The following PTPRN2 variants were observed in gnomAD, a reference collection of about 807,000 sequenced individuals.
PTPRN2 encodes the protein protein tyrosine phosphatase receptor type N2.
Under a neutral mutation model 118.8 loss-of-function variants are expected in PTPRN2, and 74 were observed. The ratio of observed to expected loss-of-function variants is 0.62; its 90% CI spans 0.52 to 0.76. The LOEUF (loss-of-function observed/expected upper bound fraction) is 0.76. PTPRN2 is among the 30% of genes least tolerant of loss of function. The pLI is 0.00. For synonymous variants in PTPRN2, 641 were observed against 608.0 expected (o/e 1.05, Z -0.80); for missense variants, 1,481 against 1,394.4 (o/e 1.06, Z -0.99).
chr7:158,127,584 C>T (rs1374505931), intron 9 of PTPRN2, among the ~76,000 whole-genome samples: 1 of 152,226 alleles, frequency 6.6e-6, no homozygotes. Flanking sequence ...GCCTCTGCCT[C>T]AGCTCCCATG....
At chr7:157,748,089 T>A (rs1179496717) in intron 12 of PTPRN2, among the ~76,000 whole-genome samples, 3 of 114,620 alleles carry the variant, frequency 2.6e-5, no homozygotes, top group Non-Finnish European at 5.5e-5. Flanking sequence ...TGTGGGCTGT[T>A]GAGGTGATTC....
At chr7:157,720,684 T>C (rs1686797534) in intron 12 of PTPRN2, among the ~76,000 whole-genome samples, 1 of 152,232 alleles carries the variant, frequency 6.6e-6, no homozygotes, top group African/African-American at 2.4e-5. Flanking sequence ...AAGCGCTTTC[T>C]GGGGAGAAAC....
chr7:158,033,652 T>C (rs965106976), intron 11 of PTPRN2, among the ~76,000 whole-genome samples: 6 of 152,186 alleles, frequency 3.9e-5, no homozygotes, highest in Admixed American at 3.9e-4. Flanking sequence ...TAATGAAACC[T>C]TGATAGAAGC....
At chr7:158,305,743 A>G (rs1205103145) in intron 3 of PTPRN2, among the ~76,000 whole-genome samples, 1 of 151,958 alleles carries the variant, frequency 6.6e-6, no homozygotes, top group Non-Finnish European at 1.5e-5. Context: ...CAACTTTTAC[A>G]GAACTCTGGA....
chr7:157,797,015 A>C (rs1472738859), intron 12 of PTPRN2, among the ~76,000 whole-genome samples: 1 of 152,064 alleles, frequency 6.6e-6, no homozygotes, highest in Non-Finnish European at 1.5e-5. Context: ...GCTCAGACGA[A>C]CTCACGGCTC....
chr7:157,975,581 G>C (rs76545853), intron 11 of PTPRN2, among the ~76,000 whole-genome samples: 240 of 152,228 alleles, frequency 1.6e-3, no homozygotes, highest in Non-Finnish European at 3.1e-3. Flanking sequence ...GACCCGAACT[G>C]TGCTTTTCAG....
At chr7:157,952,426 A>AGACAGGCGAGGGTGG (rs1384517687) in intron 11 of PTPRN2, among the ~76,000 whole-genome samples, 69 of 55,526 alleles carry the variant, frequency 1.2e-3, no homozygotes, top group Middle Eastern at 9.6e-3. Context: ...ACACGGGGGG[A>AGACAGGCGAGGGTGG]GACAGGCGAG....
Position 158,380,087 on chromosome 7 carries a change from A to G in PTPRN2, c.164-63155T>C, listed in dbSNP as rs1277821677. Among the ~76,000 whole-genome samples, 10 of 152,154 alleles carry G rather than the reference A, an allele frequency of 6.6e-5. No homozygotes were observed. The East Asian group carries it at 1.9e-3, about 29-fold the overall frequency. On this transcript the variant is annotated intron_variant, in intron 2 of 22. Transcript: ENST00000389418. ...ACATATGGGAATTATGGGAGCTGCA[A>G]TTCAAGATCAGATTTCAGTGGGGAC... is the stretch of plus-strand genomic sequence containing the variant.
chr7:158,501,722 A>C (rs1184453656), intron 1 of PTPRN2, among the ~76,000 whole-genome samples: 1 of 152,164 alleles, frequency 6.6e-6, no homozygotes, highest in Non-Finnish European at 1.5e-5. Context: ...CCAGGCAGAA[A>C]AGTCACCAAG....
chr7:157,545,673 A>G (rs1046259256), intron 22 of PTPRN2, among the ~76,000 whole-genome samples: 3 of 151,756 alleles, frequency 2.0e-5, no homozygotes, highest in Non-Finnish European at 4.4e-5. Context: ...CTGGTGAAAC[A>G]TTTTCTATTC....
At chr7:157,949,215 T>G (rs1030319866) in intron 11 of PTPRN2, among the ~76,000 whole-genome samples, 3 of 152,188 alleles carry the variant, frequency 2.0e-5, no homozygotes, top group Admixed American at 2.0e-4. Flanking sequence ...GGATCCAAAG[T>G]TGAAAGTAAA....
intron 11 of PTPRN2, among the ~76,000 whole-genome samples, chr7:158,013,663 C>A (rs549570655): frequency 6.9e-4 from 105 of 152,150 alleles, no homozygotes; most frequent in African/African-American, 2.5e-3. Context: ...CATCATCTGT[C>A]TATTTACCCA....
chr7:157,801,480 T>A lies in PTPRN2; in HGVS notation c.1788+97193A>T, dbSNP rs568582397. The stretch of plus-strand genomic sequence containing the variant: ...GTGAGAGCAGCTGCATGGATTTTTT[T>A]AATGTCAAATTCCATATGAAACAGC... On this transcript the variant is annotated intron_variant, in intron 12 of 22. Coordinates refer to ENST00000389418, the MANE Select transcript of PTPRN2 (RefSeq NM_002847.5). This position sits in a 1 kb window ranked among gnomAD's most constrained non-coding sequence, Gnocchi z 4.2. 2.6e-5 allele frequency among the ~76,000 whole-genome samples: 4 copies of A among 152,296 alleles called. No individual in the cohort carries two copies. The highest frequency in any genetic ancestry group is 7.2e-5 in the African/African-American group (3 of 41,552).
chr7:157,805,528 G>A (rs1805578246), intron 12 of PTPRN2, among the ~76,000 whole-genome samples: 1 of 152,170 alleles, frequency 6.6e-6, no homozygotes, highest in Non-Finnish European at 1.5e-5. Flanking sequence ...AGCACCAGGG[G>A]TGAAAATTAG....
intron 12 of PTPRN2, among the ~76,000 whole-genome samples, chr7:157,770,944 G>T (rs1487057536): frequency 6.6e-6 from 1 of 152,154 alleles, no homozygotes; most frequent in East Asian, 1.9e-4. Context: ...ACCTGAGTGC[G>T]GGGGCTGTGG....
chr7:158,454,510 G>T (rs1246421701), intron 2 of PTPRN2, among the ~76,000 whole-genome samples: 1 of 149,240 alleles, frequency 6.7e-6, no homozygotes, highest in Admixed American at 6.6e-5. Context: ...ACTGATGTGA[G>T]GATTGGGGAC....
intron 1 of PTPRN2, among the ~76,000 whole-genome samples, chr7:158,497,625 T>A (rs1232592695): frequency 2.6e-5 from 4 of 152,172 alleles, no homozygotes; most frequent in Non-Finnish European, 4.4e-5. Context: ...GGGTGCCCCA[T>A]CCTGAGGACT....
At position 157,629,734 on chromosome 7, in the gene PTPRN2, G is replaced by A. The variant is rs1803824673; in HGVS notation, c.2197-8225C>T. 2.0e-5 allele frequency among the ~76,000 whole-genome samples: 3 copies of A among 152,338 alleles called. No homozygotes were observed. The South Asian group carries it at 6.2e-4, about 32-fold the overall frequency. On this transcript the variant is annotated intron_variant, in intron 14 of 22. Coordinates refer to ENST00000389418, the MANE Select transcript of PTPRN2 (RefSeq NM_002847.5). This position sits in a 1 kb window ranked among gnomAD's most constrained non-coding sequence, Gnocchi z 4.4. ...GTGTTAAAGAAAGCTGGGCTTTGGG[G>A]AACCCAGTCATTACTGGGAAGGCTA...
chr7:157,883,079 G>A (rs1012458514), intron 12 of PTPRN2, among the ~76,000 whole-genome samples: 3 of 145,064 alleles, frequency 2.1e-5, no homozygotes, highest in African/African-American at 5.2e-5. Flanking sequence ...GACTGTTGTT[G>A]GAGACCAGAA....
Sources: gnomAD v4.1 joint callset for allele counts (sites outside exome capture counted in the v4.1 genomes callset) on GRCh38, gnomAD v4.1.1 for gene constraint, Gnocchi (gnomAD v3.1) non-coding constraint, MANE v1.5 for transcripts, NCBI Gene and HGNC (gene_info 2026-07-23, HGNC 2026-07-21) for gene names.